PSMB2: variants seen among roughly 807,000 people sequenced by gnomAD.
The protein encoded by PSMB2 is proteasome subunit beta type-2.
PSMB2 carries 13 observed loss-of-function variants against 25.7 expected under a neutral mutation model. That is an observed-to-expected ratio of 0.51 (90% CI 0.33 to 0.80). PSMB2 has a LOEUF of 0.80. Ranked by LOEUF, PSMB2 falls within the 30% of genes least tolerant of loss-of-function variation. The pLI, the probability that PSMB2 is intolerant of heterozygous loss-of-function variation, is 0.02. For missense variants in PSMB2, 202 were observed against 259.0 expected (o/e 0.78, Z 1.51); for synonymous variants, 87 against 96.2 (o/e 0.90, Z 0.56).
intron 3 of PSMB2, among the ~76,000 whole-genome samples, chr1:35,620,067 G>A (rs912302499): frequency 6.6e-6 from 1 of 152,076 alleles, no homozygotes; most frequent in Non-Finnish European, 1.5e-5. Flanking sequence ...CTACACGCTT[G>A]CACACTACAA....
At chr1:35,624,429 T>C (rs1650788366) in intron 3 of PSMB2, among the ~76,000 whole-genome samples, 1 of 152,106 alleles carries the variant, frequency 6.6e-6, no homozygotes, top group African/African-American at 2.4e-5. Context: ...AGATAAAAGC[T>C]GAGTTGAGCT....
In PSMB2 at chr1:35,600,735, TGA is replaced by T; in HGVS notation, c.*2530_*2531del. ...GAGATCCAGATTGGCAAAAAAACAC[TGA>T]GAGTCAGGATGGGTTTGCAGGCTTG... On this transcript the variant is annotated 3_prime_UTR_variant, in exon 6 of 6. Coordinates refer to ENST00000373237, the MANE Select transcript of PSMB2 (RefSeq NM_002794.5). The T allele has an allele frequency of 3.0e-6, 3 of 985,334 alleles. No homozygotes were observed. Among genetic ancestry groups the T allele is most frequent in the Non-Finnish European group, 2.4e-6 (2 of 829,918 alleles). The allele number at this position is 985,334 out of a possible 1,614,324, so 61.0% of individuals were successfully genotyped here. A position where few individuals can be genotyped will look rare whatever the true frequency, so the allele number is the denominator to read the frequency against.
In PSMB2 at chr1:35,618,467, T is replaced by C. The variant is rs148752294; in HGVS notation, c.286-9059A>G. Among the ~76,000 whole-genome samples the C allele has an allele frequency of 3.6e-3, 531 of 148,056 alleles. 6 individuals are homozygous for C. The highest frequency in any genetic ancestry group is 0.013 in the African/African-American group (508 of 39,852). ...CATGGAAGAAAGTAAAGAAAATGAT[T>C]ACAACGGGACACTATGGCAAAGGTA... On this transcript the variant is annotated intron_variant, in intron 3 of 5. Transcript: ENST00000373237.
At chr1:35,609,136 G>A in intron 4 of PSMB2, 110 bp downstream of exon 4, 1 of 1,091,516 alleles carries the variant, frequency 9.2e-7, no homozygotes, top group East Asian at 3.0e-5. Context: ...TGCTTCTTAG[G>A]ATCCATCCTA....
chr1:35,631,019 A>G (rs1180807911), intron 3 of PSMB2, among the ~76,000 whole-genome samples: 1 of 152,212 alleles, frequency 6.6e-6, no homozygotes, highest in Admixed American at 6.5e-5. Flanking sequence ...GGGGAAAAAA[A>G]AAGGGTAAGT....
At position 35,631,360 on chromosome 1, in the gene PSMB2, A is replaced by C. The variant is rs761786455; in HGVS notation, c.215-16T>G. The stretch of plus-strand genomic sequence containing the variant: ...AATTCATATCCTGGTAGAAGAGATA[A>C]AGAGTCATACTTAAAGTAAAGCAGA... On this transcript the variant is annotated splice_polypyrimidine_tract_variant and intron_variant, in intron 2 of 5. Coordinates refer to ENST00000373237, the MANE Select transcript of PSMB2 (RefSeq NM_002794.5). 6.2e-7 allele frequency: 1 copy of C among 1,613,524 alleles called. No homozygotes were observed. Among genetic ancestry groups the C allele is most frequent in the South Asian group, 1.1e-5 (1 of 91,064 alleles).
intron 3 of PSMB2, among the ~76,000 whole-genome samples, chr1:35,616,621 T>TA (rs1170927349): frequency 6.6e-6 from 1 of 152,222 alleles, no homozygotes; most frequent in African/African-American, 2.4e-5. Context: ...ACGACTCCTC[T>TA]ATAGGATCTA....
At chr1:35,616,622 A>G (rs892612696) in intron 3 of PSMB2, among the ~76,000 whole-genome samples, 5 of 152,214 alleles carry the variant, frequency 3.3e-5, no homozygotes, top group African/African-American at 4.8e-5. Flanking sequence ...CGACTCCTCT[A>G]TAGGATCTAA....
At position 35,600,270 on chromosome 1, in the gene PSMB2, G is replaced by C; in HGVS notation, c.*2997C>G. 1.0e-6 allele frequency: 1 copy of C among 982,796 alleles called. No individual in the cohort carries two copies. The highest frequency in any genetic ancestry group is 1.7e-5 in the African/African-American group (1 of 57,302). The allele number at this position is 982,796 out of a possible 1,614,324, so 60.9% of individuals were successfully genotyped here. A position where few individuals can be genotyped will look rare whatever the true frequency, so the allele number is the denominator to read the frequency against. On this transcript the variant is annotated 3_prime_UTR_variant, in exon 6 of 6. Transcript: ENST00000373237. ...AAAATGATGCCCAGCTAAATGCAATGTTGTATCTTGGATTATATCCTAGAA... is the reference window on the plus strand; with the variant it reads ...AAAATGATGCCCAGCTAAATGCAATCTTGTATCTTGGATTATATCCTAGAA...
intron 3 of PSMB2, among the ~76,000 whole-genome samples, chr1:35,612,308 T>C (rs1044510878): frequency 1.3e-5 from 2 of 151,600 alleles, no homozygotes; most frequent in Non-Finnish European, 2.9e-5. Context: ...TTTTTTAACA[T>C]GTAAAACTGG....
rs1649979327 is a variant in PSMB2, at chr1:35,601,059, T to C, written c.*2208A>G. ...GGGCGTCAGAATCATCTGTGGCGCT[T>C]TTTTTTTTTTTTTTTTTTTTTTTTT... is the stretch of plus-strand genomic sequence containing the variant. On this transcript the variant is annotated 3_prime_UTR_variant, in exon 6 of 6. Transcript: ENST00000373237. 3 of 34,772 alleles carry C rather than the reference T, an allele frequency of 8.6e-5. No homozygotes were observed. Among genetic ancestry groups the C allele is most frequent in the South Asian group, 1.3e-3 (1 of 796 alleles). The allele number at this position is 34,772 out of a possible 1,614,324, so 2.2% of individuals were successfully genotyped here.
Position 35,602,789 on chromosome 1 carries a change from C to T in PSMB2, c.*478G>A. On this transcript the variant is annotated 3_prime_UTR_variant, in exon 6 of 6. Coordinates refer to ENST00000373237, the MANE Select transcript of PSMB2 (RefSeq NM_002794.5). ...GGGATTACAGGTATGAGCCACCACA[C>T]CCAGCTCTGGAAGAAATATTTTTCA... is the stretch of plus-strand genomic sequence containing the variant. 3.0e-6 allele frequency: 2 copies of T among 667,456 alleles called. No individual in the cohort carries two copies. Among genetic ancestry groups the T allele is most frequent in the Non-Finnish European group, 3.7e-6 (2 of 539,034 alleles). 41.3% of individuals were successfully genotyped at this position (667,456 alleles called of 1,614,324 possible).
intron 2 of PSMB2, 50 bp downstream of exon 2, chr1:35,636,260 G>C: frequency 6.2e-7 from 1 of 1,606,908 alleles, no homozygotes; most frequent in Non-Finnish European, 8.5e-7. Context: ...CTTTAGTAAT[G>C]GCAGCCCTAG....
At chr1:35,605,319 T>C (rs1650133546) in intron 4 of PSMB2, 37 bp from the exon 5 acceptor site, 14 of 1,589,586 alleles carry the variant, frequency 8.8e-6, no homozygotes, top group Non-Finnish European at 1.2e-5. Flanking sequence ...CTTCCGGTGC[T>C]GTCATTATAT....
At chr1:35,628,627 A>ATATG (rs1650984681) in intron 3 of PSMB2, among the ~76,000 whole-genome samples, 4 of 42,962 alleles carry the variant, frequency 9.3e-5, no homozygotes, top group African/African-American at 4.6e-4. Flanking sequence ...ATATATATAT[A>ATATG]TATATTTTTT....
rs376846665 is a variant in PSMB2, at chr1:35,628,600, T to A, written c.285+2674A>T. On this transcript the variant is annotated intron_variant, in intron 3 of 5. Transcript: ENST00000373237. ...GAAGAAAAAAAAAAAAAAAAAAATATATATATATATATATATATATATATA... is the reference window on the plus strand; with the variant it reads ...GAAGAAAAAAAAAAAAAAAAAAATAAATATATATATATATATATATATATA... Among the ~76,000 whole-genome samples the A allele has an allele frequency of 0.014, 334 of 24,514 alleles. 8 individuals carry two copies. In the East Asian group the frequency reaches 0.21, roughly 15 times the overall value. 16.1% of individuals were successfully genotyped at this position (24,514 alleles called of 152,430 possible).
chr1:35,632,856 T>C (rs1467047858), intron 2 of PSMB2, among the ~76,000 whole-genome samples: 1 of 151,938 alleles, frequency 6.6e-6, no homozygotes, highest in African/African-American at 2.4e-5. Context: ...ATTGTGCCAC[T>C]GCACTCCAGC....
At position 35,600,373 on chromosome 1, in the gene PSMB2, T is replaced by C. The variant is rs1649954671; in HGVS notation, c.*2894A>G. 2.4e-6 allele frequency: 2 copies of C among 836,166 alleles called. No individual in the cohort carries two copies. Among genetic ancestry groups the C allele is most frequent in the East Asian group, 1.2e-4 (1 of 8,054 alleles). 51.8% of individuals were successfully genotyped at this position (836,166 alleles called of 1,614,324 possible). A position where few individuals can be genotyped will look rare whatever the true frequency, so the allele number is the denominator to read the frequency against. On this transcript the variant is annotated 3_prime_UTR_variant, in exon 6 of 6. Coordinates refer to ENST00000373237, the MANE Select transcript of PSMB2 (RefSeq NM_002794.5). ...AGTAATACTAATACACCAACCAATGTTGGTTTCTCAGTTTTGACAAACATA... is the reference window on the plus strand; with the variant it reads ...AGTAATACTAATACACCAACCAATGCTGGTTTCTCAGTTTTGACAAACATA...
intron 3 of PSMB2, among the ~76,000 whole-genome samples, chr1:35,628,594 A>AAAAAAAAAAAAAATATATATAT (rs1650963655): frequency 8.0e-5 from 1 of 12,518 alleles, no homozygotes; most frequent in Non-Finnish European, 1.5e-4. Flanking sequence ...AAAAAAAAAA[A>AAAAAAAAAAAAAATATATATAT]AAATATATAT....
Sources: gnomAD v4.1 joint callset for allele counts (sites outside exome capture counted in the v4.1 genomes callset) on GRCh38, gnomAD v4.1.1 for gene constraint, MANE v1.5 for transcripts, NCBI Gene and HGNC (gene_info 2026-07-23, HGNC 2026-07-21) for gene names.